PPIP5K2: variants seen among roughly 807,000 people sequenced by gnomAD.
PPIP5K2 encodes the protein inositol hexakisphosphate and diphosphoinositol-pentakisphosphate kinase 2.
PPIP5K2 carries 105 observed loss-of-function variants against 154.6 expected under a neutral mutation model. The observed-to-expected ratio is 0.68, with a 90% CI of 0.58 to 0.80. The LOEUF is 0.80. Among genes scored for constraint, PPIP5K2 ranks in the 30% least tolerant of loss-of-function variants. The pLI, the probability that PPIP5K2 is intolerant of heterozygous loss-of-function variation, is 0.00. For missense variants in PPIP5K2, 992 were observed against 1,504.6 expected (o/e 0.66, Z 5.64); for synonymous variants, 480 against 490.3 (o/e 0.98, Z 0.28).
chr5:103,159,362 T>C (rs1795875112), intron 17 of PPIP5K2, 34 bp downstream of exon 17: 2 of 1,505,900 alleles, frequency 1.3e-6, no homozygotes, highest in African/African-American at 2.8e-5. Flanking sequence ...TTGTGAAATA[T>C]TACACACACA....
intron 1 of PPIP5K2, 110 bp from the exon 2 acceptor site, chr5:103,129,196 A>G (rs548407241): frequency 1.3e-5 from 2 of 152,786 alleles, no homozygotes; most frequent in East Asian, 3.8e-4. Context: ...TCATTTTGAC[A>G]ATATACATCA....
At position 103,145,730 on chromosome 5, in the gene PPIP5K2, G is replaced by T. The variant is rs1793643454; in HGVS notation, c.488-797G>T. ...TAGAATACTTGTTACTGGAGGGAAGGGTTGCAAGGATGACGGGGATGAAGT... is the reference window on the plus strand; with the variant it reads ...TAGAATACTTGTTACTGGAGGGAAGTGTTGCAAGGATGACGGGGATGAAGT... On this transcript the variant is annotated intron_variant, in intron 5 of 30. Coordinates refer to ENST00000358359, the MANE Select transcript of PPIP5K2 (RefSeq NM_001276277.3). Among the ~76,000 whole-genome samples the T allele has an allele frequency of 2.0e-5, 3 of 151,910 alleles. No individual in the cohort carries two copies. The South Asian group carries it at 6.2e-4, about 32-fold the overall frequency.
chr5:103,183,278 C>T lies in PPIP5K2; in HGVS notation c.2967C>T (p.Thr989=). 1 of 1,464,162 alleles carries T rather than the reference C, an allele frequency of 6.8e-7. No individual in the cohort carries two copies. Among genetic ancestry groups the T allele is most frequent in the Non-Finnish European group, 9.1e-7 (1 of 1,099,094 alleles). The allele number at this position is 1,464,162 out of a possible 1,614,324, so 90.7% of individuals were successfully genotyped here. Residue 989 remains threonine (T), a synonymous_variant, in exon 25 of 31, where the codon ACC becomes ACT. Transcript: ENST00000358359. The part of the protein sequence containing the change: ...LSVSSPEGTG[T]WLHYTSGVGT... The stretch of plus-strand genomic sequence containing the variant: ...TGTCTAGCCCAGAGGGTACTGGTAC[C>T]TGGCTGCATTATACCAGTGGTGTGG...
At chr5:103,199,822 G>T (rs570955260) in intron 30 of PPIP5K2, among the ~76,000 whole-genome samples, 1 of 151,664 alleles carries the variant, frequency 6.6e-6, no homozygotes, top group Non-Finnish European at 1.5e-5. Flanking sequence ...TTTTTGCAGG[G>T]ATTTTTCTCT....
chr5:103,133,582 G>A lies in PPIP5K2; in HGVS notation c.244G>A (p.Val82Ile), dbSNP rs184105216. 43 of 1,612,390 alleles carry A rather than the reference G, an allele frequency of 2.7e-5. No individual in the cohort carries two copies. In the East Asian group the frequency reaches 8.7e-4, roughly 33 times the overall value. The change falls in exon 3 of 31, where the codon GTT becomes ATT. Residue 82 changes from valine to isoleucine, a missense_variant. Physicochemically the swap from Val to Ile is conservative, Grantham distance 29 (BLOSUM62 3). Transcript: ENST00000358359. ...CACAGTAGTAGTATTTGAAGAGGAG[G>A]TTATTTTGAATGAACCAGTGGAAAA... ...YITVVVFEEE[V>I]ILNEPVENWP...
At chr5:103,166,001 G>A (rs782015064) in intron 17 of PPIP5K2, among the ~76,000 whole-genome samples, 12 of 152,082 alleles carry the variant, frequency 7.9e-5, no homozygotes, top group Non-Finnish European at 1.6e-4. Flanking sequence ...TTTTAAACAA[G>A]TGGGATGAAG....
chr5:103,199,403 T>G (rs1443949034), intron 30 of PPIP5K2, among the ~76,000 whole-genome samples: 2 of 152,134 alleles, frequency 1.3e-5, no homozygotes, highest in African/African-American at 4.8e-5. Context: ...TGCAGTGTAA[T>G]TTTTGCTGAA....
chr5:103,131,858 G>A (rs1327834286), intron 2 of PPIP5K2, among the ~76,000 whole-genome samples: 1 of 152,082 alleles, frequency 6.6e-6, no homozygotes, highest in Non-Finnish European at 1.5e-5. Flanking sequence ...CCTTAAGAAT[G>A]TAAGTTTATT....
chr5:103,178,104 T>C, intron 23 of PPIP5K2, 124 bp downstream of exon 23: 1 of 676,722 alleles, frequency 1.5e-6, no homozygotes, highest in Non-Finnish European at 2.5e-6. Context: ...AGGAAAATGG[T>C]TTAAATTTTT....
chr5:103,159,036 GT>G, intron 16 of PPIP5K2, 109 bp from the exon 17 acceptor site: 1 of 776,356 alleles, frequency 1.3e-6, no homozygotes, highest in South Asian at 3.0e-5. Context: ...TATTAATAAA[GT>G]TTATTTATGA....
intron 16 of PPIP5K2, 44 bp downstream of exon 16, chr5:103,158,617 A>C (rs1562435706): frequency 6.7e-7 from 1 of 1,487,382 alleles, no homozygotes; most frequent in Non-Finnish European, 9.0e-7. Flanking sequence ...TTTTAATCTA[A>C]TATTGTATCT....
intron 3 of PPIP5K2, among the ~76,000 whole-genome samples, chr5:103,135,354 G>A (rs760999001): frequency 1.3e-5 from 2 of 152,162 alleles, no homozygotes; most frequent in Admixed American, 6.5e-5. Flanking sequence ...GGATTTGAAC[G>A]CTGGTTTATG....
intron 1 of PPIP5K2, among the ~76,000 whole-genome samples, chr5:103,127,745 C>T (rs979386452): frequency 6.6e-6 from 1 of 152,098 alleles, no homozygotes; most frequent in Non-Finnish European, 1.5e-5. Flanking sequence ...TAGTTAAGCA[C>T]TGACAGATTA....
chr5:103,141,147 C>T (rs534356647), intron 5 of PPIP5K2, among the ~76,000 whole-genome samples: 6 of 152,260 alleles, frequency 3.9e-5, no homozygotes, highest in African/African-American at 1.4e-4. Flanking sequence ...TCCTAGCTAA[C>T]GTGGTGAAAC....
At chr5:103,169,539 T>C (rs1797637306) in intron 19 of PPIP5K2, among the ~76,000 whole-genome samples, 1 of 151,870 alleles carries the variant, frequency 6.6e-6, no homozygotes, top group South Asian at 2.1e-4. Context: ...GGTATTTGTA[T>C]ACGTGTTAAC....
At chr5:103,164,693 G>A (rs1580284923) in intron 17 of PPIP5K2, among the ~76,000 whole-genome samples, 1 of 151,834 alleles carries the variant, frequency 6.6e-6, no homozygotes, top group East Asian at 1.9e-4. Context: ...GATATTCTTT[G>A]CCCAGAATTT....
chr5:103,151,199 G>A, intron 8 of PPIP5K2, 54 bp from the exon 9 acceptor site: 1 of 1,457,696 alleles, frequency 6.9e-7, no homozygotes, highest in East Asian at 2.4e-5. Flanking sequence ...CTAGAAAACT[G>A]TGAATCTTAA....
At position 103,190,903 on chromosome 5, in the gene PPIP5K2, A is replaced by G. The variant is rs376028343; in HGVS notation, c.3414A>G (p.Leu1138=). ...CTCTAGAAACTCTTCATAATGCCCTATCTTTAAAGCAAGTGGATGAATTTC... is the reference window on the plus strand; with the variant it reads ...CTCTAGAAACTCTTCATAATGCCCTGTCTTTAAAGCAAGTGGATGAATTTC... ...ICPLETLHNA[L]SLKQVDEFLA... The change falls in exon 29 of 31, where the codon CTA becomes CTG. Residue 1138 remains leucine, a synonymous_variant. Coordinates refer to ENST00000358359, the MANE Select transcript of PPIP5K2 (RefSeq NM_001276277.3). 8.7e-6 allele frequency: 14 copies of G among 1,610,192 alleles called. No homozygotes were observed. The highest frequency in any genetic ancestry group is 4.0e-5 in the African/African-American group (3 of 74,738).
chr5:103,172,368 C>A (rs572931848), intron 19 of PPIP5K2, among the ~76,000 whole-genome samples: 2 of 150,884 alleles, frequency 1.3e-5, no homozygotes, highest in Admixed American at 6.7e-5. Flanking sequence ...GATGTTATTC[C>A]ATGTGAATCT....
Sources: allele counts gnomAD v4.1 joint callset (sites outside exome capture counted in the v4.1 genomes callset), GRCh38; gene constraint gnomAD v4.1.1; transcripts MANE v1.5; gene names NCBI Gene and HGNC (gene_info 2026-07-23, HGNC 2026-07-21).